Variants in COL19A1 observed in about 807,000 individuals in gnomAD.
The protein encoded by COL19A1 is collagen alpha-1(XIX) chain.
COL19A1 carries 159 observed loss-of-function variants against 190.2 expected under a neutral mutation model. That is an observed-to-expected ratio of 0.84 (90% CI 0.73 to 0.95). The LOEUF is 0.95. Ranked by LOEUF, COL19A1 falls within the 40% of genes least tolerant of loss-of-function variation. The probability of loss-of-function intolerance (pLI) is 0.00; values close to 1 mark genes in which losing one functional copy is unlikely to be tolerated. For synonymous variants in COL19A1, 509 were observed against 458.9 expected (o/e 1.11, Z -1.39); for missense variants, 1,418 against 1,431.9 (o/e 0.99, Z 0.16).
At chr6:70,105,592 A>G (rs1296262150) in intron 16 of COL19A1, among the ~76,000 whole-genome samples, 1 of 152,186 alleles carries the variant, frequency 6.6e-6, no homozygotes, top group Non-Finnish European at 1.5e-5. Context: ...TTTAGATCAA[A>G]ACATTATTGT....
intron 41 of COL19A1, among the ~76,000 whole-genome samples, chr6:70,172,292 G>C (rs1488240086): frequency 5.9e-5 from 9 of 152,190 alleles, no homozygotes; most frequent in Non-Finnish European, 1.5e-5. Flanking sequence ...TAGGAGGGCA[G>C]TATCTGAGCA....
chr6:70,023,393 C>T (rs1480493829), intron 11 of COL19A1, among the ~76,000 whole-genome samples: 2 of 152,078 alleles, frequency 1.3e-5, no homozygotes, highest in African/African-American at 4.8e-5. Context: ...GCCTCGGCCT[C>T]CCAAAGTGCT....
rs1765528173 is a variant in COL19A1, at chr6:70,172,010, G to A, written c.2615G>A (p.Gly872Asp). 1.2e-6 allele frequency: 2 copies of A among 1,610,914 alleles called. No individual in the cohort carries two copies. The highest frequency in any genetic ancestry group is 1.7e-5 in the Admixed American group (1 of 59,366). Residue 872 changes from glycine to aspartate, a missense_variant, in exon 41 of 51, where the codon GGT (glycine) becomes GAT (aspartate). By Grantham distance (94) the Gly-to-Asp change is moderately conservative. Transcript: ENST00000620364. ...MGLPGLEGFP[G>D]VKGDRGPAGP... is the part of the protein sequence containing the mutation. ...TTGCCAGGATTAGAAGGATTTCCAG[G>A]TGTAAAGGTAAGCACAGAAGTTAGA...
intron 9 of COL19A1, among the ~76,000 whole-genome samples, chr6:69,941,942 A>G (rs111505094): frequency 0.27 from 40,877 of 152,014 alleles, 6,182 homozygotes; most frequent in African/African-American, 0.4. Context: ...CACCCACCTC[A>G]GCCTCCCAAA....
intron 15 of COL19A1, among the ~76,000 whole-genome samples, chr6:70,077,683 G>A (rs1038906787): frequency 1.4e-5 from 2 of 142,948 alleles, no homozygotes; most frequent in Non-Finnish European, 3.0e-5. Flanking sequence ...CACTAGAAAG[G>A]ACTGTTGTTT....
intron 11 of COL19A1, among the ~76,000 whole-genome samples, chr6:70,008,779 CAT>C (rs932215106): frequency 5.3e-5 from 8 of 151,858 alleles, no homozygotes; most frequent in African/African-American, 1.4e-4. Context: ...CACACACACA[CAT>C]ATACATAAAA....
intron 11 of COL19A1, among the ~76,000 whole-genome samples, chr6:69,969,332 C>T (rs902157110): frequency 6.6e-5 from 10 of 152,178 alleles, no homozygotes; most frequent in South Asian, 4.1e-4. Context: ...CACCCCAAAA[C>T]GTAGTGACTT....
At chr6:70,032,273 C>A (rs907115586) in intron 12 of COL19A1, among the ~76,000 whole-genome samples, 2 of 152,162 alleles carry the variant, frequency 1.3e-5, no homozygotes, top group Non-Finnish European at 2.9e-5. Context: ...TCTAAACATA[C>A]TTAGCAAGAT....
intron 14 of COL19A1, among the ~76,000 whole-genome samples, chr6:70,055,592 G>C (rs1780450001): frequency 1.3e-5 from 2 of 151,820 alleles, no homozygotes; most frequent in Non-Finnish European, 2.9e-5. Context: ...GACCAACCTG[G>C]CCAACATGGG....
At chr6:70,016,398 A>G (rs553790214) in intron 11 of COL19A1, among the ~76,000 whole-genome samples, 3 of 130,406 alleles carry the variant, frequency 2.3e-5, no homozygotes, top group Admixed American at 1.5e-4. Flanking sequence ...ATGAAAAAAA[A>G]AAAACAAAAC....
At chr6:70,195,340 C>T (rs558189403) in intron 48 of COL19A1, among the ~76,000 whole-genome samples, 314 of 152,046 alleles carry the variant, frequency 2.1e-3, no homozygotes, top group African/African-American at 6.7e-3. Context: ...AAGTTGTGAG[C>T]GAACAGTGGG....
At chr6:69,895,387 C>T (rs1450163192) in intron 2 of COL19A1, among the ~76,000 whole-genome samples, 2 of 152,228 alleles carry the variant, frequency 1.3e-5, no homozygotes, top group Non-Finnish European at 2.9e-5. Context: ...CCACATTGAA[C>T]ACCAAAAATG....
intron 4 of COL19A1, among the ~76,000 whole-genome samples, chr6:69,904,731 A>G (rs9346362): frequency 2.0e-5 from 3 of 152,090 alleles, no homozygotes; most frequent in Non-Finnish European, 2.9e-5. Flanking sequence ...CTCAAGGTCA[A>G]ACTTACAGCT....
In COL19A1 at chr6:69,929,415, A is replaced by AT; in HGVS notation, c.391-5dup. 6.2e-7 allele frequency: 1 copy of AT among 1,606,932 alleles called. No individual in the cohort carries two copies. The highest frequency in any genetic ancestry group is 8.5e-7 in the Non-Finnish European group (1 of 1,176,514). On this transcript the variant is annotated splice_polypyrimidine_tract_variant and intron_variant, in intron 5 of 50. Coordinates refer to ENST00000620364, the MANE Select transcript of COL19A1 (RefSeq NM_001858.6). ...TTTAAAACATTTAAAGATACTTTAC[A>AT]TTTTTGCAGATTTCTATAGTAGTTG... is the stretch of plus-strand genomic sequence containing the variant.
intron 12 of COL19A1, among the ~76,000 whole-genome samples, chr6:70,030,909 G>C (rs1236870571): frequency 1.3e-5 from 2 of 152,188 alleles, no homozygotes; most frequent in Non-Finnish European, 2.9e-5. Flanking sequence ...TCCTGGAAAA[G>C]CTGTCATAGC....
intron 9 of COL19A1, among the ~76,000 whole-genome samples, chr6:69,953,455 C>G (rs569916884): frequency 1.3e-5 from 2 of 151,886 alleles, no homozygotes; most frequent in African/African-American, 4.8e-5. Context: ...AACTATTGCT[C>G]TTACATGGAA....
chr6:70,034,464 T>C (rs574964952), intron 13 of COL19A1, among the ~76,000 whole-genome samples, 166 bp downstream of exon 13: 2 of 152,340 alleles, frequency 1.3e-5, no homozygotes, highest in East Asian at 3.9e-4. Context: ...GTTCATTTAA[T>C]TAGTTTGAAA....
intron 4 of COL19A1, among the ~76,000 whole-genome samples, chr6:69,922,477 G>GTTT (rs5877232): frequency 0.011 from 1,036 of 90,772 alleles, 24 homozygotes; most frequent in African/African-American, 0.039. Flanking sequence ...TTCTATTTAG[G>GTTT]TTTTTTTTTT....
At chr6:70,098,521 T>A (rs1783425171) in intron 15 of COL19A1, 3 of 464,514 alleles carry the variant, frequency 6.5e-6, no homozygotes, top group Non-Finnish European at 1.3e-5. Context: ...TATTTCATCT[T>A]TAAGCCTTGG....
Sources: allele counts gnomAD v4.1 joint callset (sites outside exome capture counted in the v4.1 genomes callset), GRCh38; gene constraint gnomAD v4.1.1; transcripts MANE v1.5; gene names NCBI Gene and HGNC (gene_info 2026-07-23, HGNC 2026-07-21).